Variants in TBC1D31 observed in about 807,000 individuals in gnomAD.
TBC1D31 encodes TBC1 domain family member 31.
Under a neutral mutation model 132.9 loss-of-function variants are expected in TBC1D31, and 99 were observed. The ratio of observed to expected loss-of-function variants is 0.74; its 90% CI spans 0.63 to 0.88. TBC1D31 has a LOEUF of 0.88. Among genes scored for constraint, TBC1D31 ranks in the 40% least tolerant of loss-of-function variants. The pLI, the probability that TBC1D31 is intolerant of heterozygous loss-of-function variation, is 0.00. For synonymous variants in TBC1D31, 385 were observed against 419.4 expected (o/e 0.92, Z 1.00); for missense variants, 1,134 against 1,256.6 (o/e 0.90, Z 1.48).
chr8:123,145,517 C>T (rs554453382), intron 20 of TBC1D31, among the ~76,000 whole-genome samples: 1 of 152,022 alleles, frequency 6.6e-6, no homozygotes, highest in African/African-American at 2.4e-5. Context: ...CATTAGGTTT[C>T]GATACAAGGC....
At chr8:123,154,081 A>G (rs1822929916), downstream of TBC1D31, among the ~76,000 whole-genome samples, 2 of 152,214 alleles carry the variant, frequency 1.3e-5, no homozygotes, top group African/African-American at 4.8e-5. Context: ...GGCATTTGTA[A>G]AGGTCTTTCC....
intron 4 of TBC1D31, among the ~76,000 whole-genome samples, chr8:123,091,295 A>C (rs1003227681): frequency 2.0e-5 from 3 of 152,332 alleles, no homozygotes; most frequent in Non-Finnish European, 2.9e-5. Context: ...CTAAAATAGC[A>C]GTTGATGCTC....
At chr8:123,090,087 A>G (rs978454667) in intron 4 of TBC1D31, among the ~76,000 whole-genome samples, 3 of 152,228 alleles carry the variant, frequency 2.0e-5, no homozygotes, top group African/African-American at 7.2e-5. Context: ...GTAAGCAGTA[A>G]TAGCAGTAAT....
intron 2 of TBC1D31, among the ~76,000 whole-genome samples, chr8:123,080,245 A>G (rs1814990017): frequency 6.6e-6 from 1 of 152,234 alleles, no homozygotes; most frequent in African/African-American, 2.4e-5. Context: ...TAGCATCTTC[A>G]TCAAAGAACA....
chr8:123,084,380 G>T, intron 4 of TBC1D31, 40 bp downstream of exon 4: 1 of 1,587,154 alleles, frequency 6.3e-7, no homozygotes, highest in South Asian at 1.1e-5. Flanking sequence ...GTGCTTCTCG[G>T]GCTAATTTCT....
chr8:123,163,519 C>T, the TBC1D31 span, among the ~76,000 whole-genome samples: 34 of 151,644 alleles, frequency 2.2e-4, no homozygotes, highest in Admixed American at 5.3e-4. Flanking sequence ...GGCGTGCCAC[C>T]ACACCCGGTT....
rs1188873216 is a variant in TBC1D31, at chr8:123,126,104, A to G, written c.1619A>G (p.Asn540Ser). ...GAATATTTTCCTAATCCTCCTATCA[A>G]TATTCTTAGCATGATAGAAAATGTT... ...WFEYFPNPPI[N>S]ILSMIENVLA... The change falls in exon 12 of 22, where the codon AAT becomes AGT. Residue 540 changes from asparagine (N) to serine (S), a missense_variant. Coordinates refer to ENST00000287380, the MANE Select transcript of TBC1D31 (RefSeq NM_145647.4). 5 of 1,610,904 alleles carry G rather than the reference A, an allele frequency of 3.1e-6. No individual in the cohort carries two copies. In the African/African-American group the frequency reaches 5.3e-5, roughly 17 times the overall value.
At chr8:123,159,514 G>A in the TBC1D31 span, among the ~76,000 whole-genome samples, 2 of 152,292 alleles carry the variant, frequency 1.3e-5, no homozygotes, top group African/African-American at 2.4e-5. Flanking sequence ...TAAGATTGCC[G>A]GACGCGGTGG....
chr8:123,108,149 C>T (rs570105856), intron 8 of TBC1D31, among the ~76,000 whole-genome samples: 10 of 152,240 alleles, frequency 6.6e-5, no homozygotes, highest in African/African-American at 2.2e-4. Context: ...GAGCACTAAA[C>T]GAAATCAGAA....
At chr8:123,134,051 A>G in intron 16 of TBC1D31, 63 bp from the exon 17 acceptor site, 5 of 1,319,030 alleles carry the variant, frequency 3.8e-6, no homozygotes, top group Non-Finnish European at 5.3e-6. Context: ...CAGGATTACT[A>G]AATATATTAA....
At chr8:123,078,445 A>G (rs550719310) in intron 2 of TBC1D31, among the ~76,000 whole-genome samples, 1 of 152,316 alleles carries the variant, frequency 6.6e-6, no homozygotes, top group Non-Finnish European at 1.5e-5. Context: ...AAATAGAGGT[A>G]TGTACACATA....
At chr8:123,159,044 C>T in the TBC1D31 span, among the ~76,000 whole-genome samples, 1 of 152,144 alleles carries the variant, frequency 6.6e-6, no homozygotes, top group Non-Finnish European at 1.5e-5. Flanking sequence ...CTGGGGCATC[C>T]CCTGCGGACT....
the TBC1D31 span, among the ~76,000 whole-genome samples, chr8:123,157,895 T>C: frequency 6.6e-6 from 1 of 152,132 alleles, no homozygotes; most frequent in Admixed American, 6.5e-5. Context: ...GCAGTCTTTT[T>C]CTGACTGCAG....
At chr8:123,093,029 C>G (rs937392799) in intron 4 of TBC1D31, among the ~76,000 whole-genome samples, 1 of 151,966 alleles carries the variant, frequency 6.6e-6, no homozygotes, top group Non-Finnish European at 1.5e-5. Context: ...TCAGGCTAGT[C>G]CCAAACTCCT....
At chr8:123,126,949 C>A (rs1305437241) in intron 13 of TBC1D31, among the ~76,000 whole-genome samples, 1 of 152,192 alleles carries the variant, frequency 6.6e-6, no homozygotes, top group East Asian at 1.9e-4. Context: ...ACCATGCTGT[C>A]AGGGTGGTCT....
Position 123,100,892 on chromosome 8 carries a change from A to T in TBC1D31, c.917A>T (p.Asp306Val). The change falls in exon 7 of 22, where the codon GAT (aspartate) becomes GTT (valine). Residue 306 changes from aspartate to valine, a missense_variant. Asp to Val is a radical substitution (Grantham distance 152). Transcript: ENST00000287380. ...CKLLFEIGSL[D>V]EGISSSAISP... ...CTTCTCTTTGAGATTGGGAGCCTCG[A>T]TGAAGGAATTAGCTCATCAGCAATT... 6.2e-7 allele frequency: 1 copy of T among 1,614,052 alleles called. No individual in the cohort carries two copies. Among genetic ancestry groups the T allele is most frequent in the East Asian group, 2.2e-5 (1 of 44,862 alleles).
chr8:123,086,594 T>G (rs535714356), intron 4 of TBC1D31, among the ~76,000 whole-genome samples: 9 of 152,162 alleles, frequency 5.9e-5, no homozygotes, highest in African/African-American at 2.2e-4. Flanking sequence ...GCCTGTCATA[T>G]CTCTTCAGCT....
intron 4 of TBC1D31, among the ~76,000 whole-genome samples, chr8:123,088,174 G>A (rs1354289004): frequency 1.4e-5 from 2 of 147,138 alleles, no homozygotes; most frequent in African/African-American, 2.6e-5. Context: ...GGGCAACAGA[G>A]CGAGACTCTT....
intron 2 of TBC1D31, among the ~76,000 whole-genome samples, chr8:123,081,448 A>C (rs1447650949): frequency 6.6e-6 from 1 of 152,220 alleles, no homozygotes; most frequent in Non-Finnish European, 1.5e-5. Flanking sequence ...ATTGGTCCAA[A>C]TTGAGATATG....
Sources: gnomAD v4.1 joint callset for allele counts (sites outside exome capture counted in the v4.1 genomes callset) on GRCh38, gnomAD v4.1.1 for gene constraint, MANE v1.5 for transcripts, NCBI Gene and HGNC (gene_info 2026-07-23, HGNC 2026-07-21) for gene names.